Variants in SNX29 observed in about 807,000 individuals in gnomAD.
SNX29 encodes the protein sorting nexin 29.
Under a neutral mutation model 102.1 loss-of-function variants are expected in SNX29, and 78 were observed. The observed-to-expected ratio is 0.76, with a 90% CI of 0.64 to 0.92. SNX29 has a LOEUF of 0.92. SNX29 is among the 40% of genes least tolerant of loss of function. SNX29 has a pLI of 0.00. For synonymous variants in SNX29, 580 were observed against 414.5 expected (o/e 1.40, Z -4.85); for missense variants, 1,280 against 1,061.7 (o/e 1.21, Z -2.86).
chr16:12,026,987 G>C (rs1156337602), intron 3 of SNX29, among the ~76,000 whole-genome samples: 4 of 152,164 alleles, frequency 2.6e-5, no homozygotes, highest in Non-Finnish European at 4.4e-5. Context: ...TCCCCACACT[G>C]AACTGATTGG....
At chr16:12,086,135 C>T (rs1353803412) in intron 11 of SNX29, among the ~76,000 whole-genome samples, 1 of 151,754 alleles carries the variant, frequency 6.6e-6, no homozygotes, top group Non-Finnish European at 1.5e-5. Context: ...TCCCAAGTAG[C>T]TGGGACTACA....
intron 19 of SNX29, among the ~76,000 whole-genome samples, chr16:12,483,578 G>C (rs2088079659): frequency 6.6e-6 from 1 of 152,178 alleles, no homozygotes; most frequent in Non-Finnish European, 1.5e-5. Flanking sequence ...GCCTCCCAAA[G>C]TGCTGGGATT....
chr16:12,214,239 AACAAAGACCCAGAAACACAAC>A (rs776750267), intron 14 of SNX29, among the ~76,000 whole-genome samples: 1 of 152,224 alleles, frequency 6.6e-6, no homozygotes, highest in Non-Finnish European at 1.5e-5. Flanking sequence ...TTTGGTAGGA[AACAAAGACCCAGAAACACAAC>A]AGGAACAATT....
chr16:12,380,159 C>G (rs1359070517), intron 16 of SNX29, among the ~76,000 whole-genome samples: 1 of 151,436 alleles, frequency 6.6e-6, no homozygotes. Flanking sequence ...CCTTAGCTGA[C>G]CTAAGGGCTG....
intron 16 of SNX29, among the ~76,000 whole-genome samples, chr16:12,395,450 C>T (rs141026732): frequency 6.6e-6 from 1 of 152,222 alleles, no homozygotes. Flanking sequence ...TGTACAGCAC[C>T]GAGGGTGTTT....
intron 14 of SNX29, among the ~76,000 whole-genome samples, chr16:12,202,621 T>G (rs1295872911): frequency 6.6e-6 from 1 of 152,208 alleles, no homozygotes; most frequent in Non-Finnish European, 1.5e-5. Flanking sequence ...TGGACACCCT[T>G]TCTCCTCGCC....
intron 20 of SNX29, among the ~76,000 whole-genome samples, chr16:12,554,195 T>C (rs1017541119): frequency 6.6e-6 from 1 of 152,230 alleles, no homozygotes; most frequent in Non-Finnish European, 1.5e-5. Context: ...GCTTAAACCA[T>C]TTGAACGATG....
intron 15 of SNX29, among the ~76,000 whole-genome samples, chr16:12,290,135 C>G (rs1235167975): frequency 6.6e-6 from 1 of 152,142 alleles, no homozygotes; most frequent in East Asian, 1.9e-4. Context: ...TTAAAACTTA[C>G]CAGTGGCTCA....
Position 12,572,324 on chromosome 16 carries a change from G to C in SNX29, c.*3695G>C. On this transcript the variant is annotated 3_prime_UTR_variant, in exon 21 of 21. Coordinates refer to ENST00000566228, the MANE Select transcript of SNX29 (RefSeq NM_032167.5). ...CACAATCCAGGTTGGAAACAGGAGT[G>C]AAGCCCACCAGCCTGCCTGGTTGAT... is the stretch of plus-strand genomic sequence containing the variant. 1 of 1,063,076 alleles carries C rather than the reference G, an allele frequency of 9.4e-7. No homozygotes were observed. The highest frequency in any genetic ancestry group is 1.1e-6 in the Non-Finnish European group (1 of 877,818). The allele number at this position is 1,063,076 out of a possible 1,614,324, so 65.9% of individuals were successfully genotyped here. A position where few individuals can be genotyped will look rare whatever the true frequency, so the allele number is the denominator to read the frequency against.
intron 18 of SNX29, among the ~76,000 whole-genome samples, chr16:12,429,975 C>A (rs1410383759): frequency 2.0e-5 from 3 of 152,196 alleles, no homozygotes; most frequent in African/African-American, 7.2e-5. Context: ...TGGGCTGTTG[C>A]CTGTTAGGAA....
intron 19 of SNX29, among the ~76,000 whole-genome samples, chr16:12,490,705 C>T (rs988770983): frequency 6.6e-6 from 1 of 152,216 alleles, no homozygotes; most frequent in Non-Finnish European, 1.5e-5. Flanking sequence ...TACCAGGCAC[C>T]TGTGTTCCCA....
At chr16:12,556,806 A>T (rs770697463) in intron 20 of SNX29, among the ~76,000 whole-genome samples, 3 of 152,236 alleles carry the variant, frequency 2.0e-5, no homozygotes, top group East Asian at 1.9e-4. Context: ...CCCCTTTACT[A>T]AAGTACAGAA....
At chr16:12,216,825 A>G (rs2077338062) in intron 14 of SNX29, among the ~76,000 whole-genome samples, 1 of 149,590 alleles carries the variant, frequency 6.7e-6, no homozygotes, top group South Asian at 2.1e-4. Flanking sequence ...CATCTTCTCC[A>G]TTTCTAGTGC....
chr16:12,232,174 G>C (rs191887637), intron 14 of SNX29, among the ~76,000 whole-genome samples: 205 of 152,260 alleles, frequency 1.3e-3, no homozygotes, highest in African/African-American at 4.8e-3. Flanking sequence ...ATACTTTAAA[G>C]GGCTTATGGC....
At chr16:12,507,363 C>G (rs191242754) in intron 19 of SNX29, among the ~76,000 whole-genome samples, 122 of 152,300 alleles carry the variant, frequency 8.0e-4, no homozygotes, top group Middle Eastern at 3.4e-3. Context: ...GTGTGCTAGC[C>G]CTGTGGTCCC....
intron 1 of SNX29, among the ~76,000 whole-genome samples, chr16:11,993,155 A>G (rs1309580675): frequency 1.4e-5 from 2 of 147,054 alleles, no homozygotes; most frequent in Non-Finnish European, 3.0e-5. Context: ...ACAAAGTGAG[A>G]CTCTGTCTCA....
chr16:12,030,846 A>G (rs1027396406), intron 4 of SNX29, among the ~76,000 whole-genome samples: 1 of 152,114 alleles, frequency 6.6e-6, no homozygotes, highest in Non-Finnish European at 1.5e-5. Flanking sequence ...CAGGGCTGAC[A>G]GGCAGCGGCA....
At chr16:12,141,772 A>G (rs960555759) in intron 13 of SNX29, among the ~76,000 whole-genome samples, 6 of 152,182 alleles carry the variant, frequency 3.9e-5, no homozygotes, top group African/African-American at 1.4e-4. Flanking sequence ...GGTCACTTTT[A>G]TCACCATCTT....
At chr16:12,480,498 A>T (rs1238965928) in intron 19 of SNX29, among the ~76,000 whole-genome samples, 1 of 151,756 alleles carries the variant, frequency 6.6e-6, no homozygotes, top group Non-Finnish European at 1.5e-5. Flanking sequence ...TAATCCCCCG[A>T]CCCCACCCTT....
Sources: gnomAD v4.1 joint callset for allele counts (sites outside exome capture counted in the v4.1 genomes callset) on GRCh38, gnomAD v4.1.1 for gene constraint, MANE v1.5 for transcripts, NCBI Gene and HGNC (gene_info 2026-07-23, HGNC 2026-07-21) for gene names.